Variants in SMYD3 observed in about 807,000 individuals in gnomAD.
SMYD3 encodes SET and MYND domain containing 3, also known as histone-lysine N-methyltransferase SMYD3.
A neutral mutation model predicts 57.7 loss-of-function variants in SMYD3; 36 were observed. The observed-to-expected ratio is 0.62, with a 90% CI of 0.48 to 0.82. The LOEUF (loss-of-function observed/expected upper bound fraction) is 0.82, where lower values mean the gene tolerates loss of function less well. Ranked by LOEUF, SMYD3 falls within the 40% of genes least tolerant of loss-of-function variation. The pLI is 0.00. For missense variants in SMYD3, 515 were observed against 538.8 expected, an observed-to-expected ratio of 0.96 and a Z score of 0.44; for synonymous variants, 211 against 195.0, an observed-to-expected ratio of 1.08 and a Z score of -0.68.
intron 1 of SMYD3, among the ~76,000 whole-genome samples, chr1:246,490,108 G>A (rs1336926167): frequency 6.6e-6 from 1 of 150,690 alleles, no homozygotes; most frequent in Non-Finnish European, 1.5e-5. Context: ...CAAAGTGCTG[G>A]CAGTATAGGC....
At chr1:246,340,374 G>C (rs2065615231) in intron 2 of SMYD3, among the ~76,000 whole-genome samples, 1 of 151,720 alleles carries the variant, frequency 6.6e-6, no homozygotes, top group African/African-American at 2.4e-5. Context: ...ATACAAAAAG[G>C]CCTTACAAAT....
chr1:246,194,696 TA>T (rs2062803506), intron 5 of SMYD3, among the ~76,000 whole-genome samples: 1 of 152,204 alleles, frequency 6.6e-6, no homozygotes, highest in African/African-American at 2.4e-5. Context: ...TCATTAAAAT[TA>T]AATTTGAAAT....
chr1:246,369,903 A>C (rs1483621774), intron 1 of SMYD3, among the ~76,000 whole-genome samples: 1 of 151,492 alleles, frequency 6.6e-6, no homozygotes, highest in Non-Finnish European at 1.5e-5. Context: ...TATAAAACAA[A>C]AAAAAAAATG....
intron 5 of SMYD3, among the ~76,000 whole-genome samples, chr1:246,072,563 G>GGT (rs2060476739): frequency 6.6e-6 from 1 of 152,182 alleles, no homozygotes; most frequent in Non-Finnish European, 1.5e-5. Flanking sequence ...ATTCACAAGG[G>GGT]GTAGACTTGT....
At chr1:245,869,901 A>G (rs2052086743) in intron 8 of SMYD3, among the ~76,000 whole-genome samples, 2 of 152,142 alleles carry the variant, frequency 1.3e-5, no homozygotes, top group African/African-American at 2.4e-5. Flanking sequence ...GTACTCTATC[A>G]GGAAACCTTC....
At chr1:246,075,392 C>T (rs1365783652) in intron 5 of SMYD3, among the ~76,000 whole-genome samples, 1 of 152,124 alleles carries the variant, frequency 6.6e-6, no homozygotes, top group Non-Finnish European at 1.5e-5. Flanking sequence ...AAGGAATTTT[C>T]CATTTTCTTA....
chr1:245,926,472 T>C (rs1444630998), intron 7 of SMYD3, among the ~76,000 whole-genome samples: 1 of 152,198 alleles, frequency 6.6e-6, no homozygotes. Context: ...GAAAAATATC[T>C]GAGTCTGAAG....
chr1:246,359,335 C>G (rs969301252), intron 1 of SMYD3, among the ~76,000 whole-genome samples: 1 of 151,994 alleles, frequency 6.6e-6, no homozygotes, highest in Non-Finnish European at 1.5e-5. Context: ...AAATTGCCAA[C>G]AAGAAAAGTC....
intron 1 of SMYD3, among the ~76,000 whole-genome samples, chr1:246,444,244 G>A (rs1031775520): frequency 2.6e-5 from 4 of 151,532 alleles, no homozygotes; most frequent in Non-Finnish European, 4.4e-5. Context: ...TTCTGCCTCA[G>A]CCTCCCAAGT....
At chr1:246,000,755 CT>C (rs1236001936) in intron 5 of SMYD3, among the ~76,000 whole-genome samples, 4 of 152,346 alleles carry the variant, frequency 2.6e-5, no homozygotes, top group African/African-American at 9.6e-5. Context: ...ACACTCATCA[CT>C]GGTGATTCGC....
chr1:246,032,880 TTAA>T (rs995527245), intron 5 of SMYD3, among the ~76,000 whole-genome samples: 3 of 152,204 alleles, frequency 2.0e-5, no homozygotes, highest in African/African-American at 7.2e-5. Context: ...GCTCCACTAC[TTAA>T]CTAGTTATGT....
chr1:246,012,703 T>C (rs1257001282), intron 5 of SMYD3, among the ~76,000 whole-genome samples: 3 of 152,192 alleles, frequency 2.0e-5, no homozygotes, highest in Admixed American at 6.5e-5. Context: ...TCATTTCCCT[T>C]GAGGAAACAG....
chr1:246,060,883 T>C (rs2060241048), intron 5 of SMYD3, among the ~76,000 whole-genome samples: 1 of 152,226 alleles, frequency 6.6e-6, no homozygotes, highest in African/African-American at 2.4e-5. Context: ...TCTATTCCTT[T>C]TCATTCCTAA....
intron 5 of SMYD3, among the ~76,000 whole-genome samples, chr1:246,150,977 G>A (rs2061932325): frequency 6.6e-6 from 1 of 152,220 alleles, no homozygotes; most frequent in Non-Finnish European, 1.5e-5. Flanking sequence ...GCTGGGCGCA[G>A]TGGCTCACGC....
At chr1:246,312,747 A>G (rs1268752160) in intron 5 of SMYD3, among the ~76,000 whole-genome samples, 2 of 152,224 alleles carry the variant, frequency 1.3e-5, no homozygotes, top group Admixed American at 1.3e-4. Flanking sequence ...CCATATTGTC[A>G]TTCAACAGGT....
At chr1:246,210,930 T>C (rs907961291) in intron 5 of SMYD3, among the ~76,000 whole-genome samples, 5 of 152,146 alleles carry the variant, frequency 3.3e-5, no homozygotes, top group African/African-American at 9.7e-5. Flanking sequence ...CGGCCCCGCA[T>C]GGTGTGCTGG....
intron 5 of SMYD3, among the ~76,000 whole-genome samples, chr1:246,245,592 C>T (rs2063690266): frequency 6.8e-6 from 1 of 146,150 alleles, no homozygotes. Context: ...TTTTACAAAT[C>T]AAAACAAAAG....
chr1:245,804,219 A>G (rs2048025090), intron 10 of SMYD3, among the ~76,000 whole-genome samples: 1 of 152,186 alleles, frequency 6.6e-6, no homozygotes, highest in East Asian at 1.9e-4. Context: ...CTGAGTCAGT[A>G]TCTTTCTTAT....
chr1:246,088,584 TG>T (rs2060767531), intron 5 of SMYD3, among the ~76,000 whole-genome samples: 1 of 105,562 alleles, frequency 9.5e-6, no homozygotes, highest in Non-Finnish European at 1.8e-5. Flanking sequence ...CACTCCAGCC[TG>T]GGCGACAGGG....
Sources: allele counts gnomAD v4.1 joint callset (sites outside exome capture counted in the v4.1 genomes callset), GRCh38; gene constraint gnomAD v4.1.1; transcripts MANE v1.5; gene names NCBI Gene and HGNC (gene_info 2026-07-23, HGNC 2026-07-21).